Variants in HECTD4 observed in about 807,000 individuals in gnomAD.
The protein encoded by HECTD4 is probable E3 ubiquitin-protein ligase HECTD4.
Under a neutral mutation model 471.5 loss-of-function variants are expected in HECTD4, and 114 were observed. The ratio of observed to expected loss-of-function variants is 0.24; its 90% CI spans 0.21 to 0.28. The LOEUF (loss-of-function observed/expected upper bound fraction) is 0.28. HECTD4 is among the 10% of genes least tolerant of loss of function. The pLI, the probability that HECTD4 is intolerant of heterozygous loss-of-function variation, is 1.00. For missense variants in HECTD4, 3,866 were observed against 5,651.5 expected (o/e 0.68, Z 10.13); for synonymous variants, 2,012 against 2,256.0 (o/e 0.89, Z 3.07).
rs568237456 is a variant in HECTD4 at position 112,291,957 on chromosome 12, A to G, written c.1336-8655T>C. On this transcript the variant is annotated intron_variant, in intron 7 of 75. Transcript: ENST00000682272. ...ACAAGATGCAACCTACACATTATAT[A>G]CATTTGGTTTGTCTCTTTAAGTCTC... 4.3e-4 allele frequency among the ~76,000 whole-genome samples: 65 copies of G among 152,304 alleles called. 2 individuals are homozygous for G. The highest frequency in any genetic ancestry group is 1.5e-3 in the African/African-American group (63 of 41,556).
chr12:112,226,319 A>G lies in HECTD4; in HGVS notation c.6970+324T>C, dbSNP rs115892999. ...GCCAATGACAACAGTCAAAATGTAC[A>G]TGCCAGCCCTAAGGACAGCTCCTAA... On this transcript the variant is annotated intron_variant, in intron 44 of 75. Coordinates refer to ENST00000682272, the MANE Select transcript of HECTD4 (RefSeq NM_001388303.1). 417 of 198,014 alleles carry G rather than the reference A, an allele frequency of 2.1e-3. 5 individuals carry two copies. The highest frequency in any genetic ancestry group is 9.4e-3 in the African/African-American group (407 of 43,466). The allele number at this position is 198,014 out of a possible 1,614,324, so 12.3% of individuals were successfully genotyped here.
chr12:112,164,144 C>A lies in HECTD4; in HGVS notation c.12666G>T (p.Val4222=). The A allele has an allele frequency of 6.2e-7, 1 of 1,612,334 alleles. No individual in the cohort carries two copies. Residue 4222 remains valine (V), a synonymous_variant, in exon 73 of 76, where the codon GTG becomes GTT. Coordinates refer to ENST00000682272, the MANE Select transcript of HECTD4 (RefSeq NM_001388303.1). ...FTYLTMTGEE[V]ELCSRGRHIL... ...TGTGCCGGCCCCGGCTGCACAGCTC[C>A]ACCTCCTCGCCCGTCATGGTCAGGT...
intron 1 of HECTD4, among the ~76,000 whole-genome samples, chr12:112,372,252 G>A (rs1044417806): frequency 6.6e-6 from 1 of 150,466 alleles, no homozygotes; most frequent in Non-Finnish European, 1.5e-5. Flanking sequence ...AGCCAACCAC[G>A]CCCCGCTAAT....
At chr12:112,190,501 T>C (rs575455740) in intron 60 of HECTD4, among the ~76,000 whole-genome samples, 1 of 152,352 alleles carries the variant, frequency 6.6e-6, no homozygotes, top group African/African-American at 2.4e-5. Flanking sequence ...TAATGGCATA[T>C]ACTTCTGTTT....
intron 25 of HECTD4, chr12:112,249,893 T>C (rs958647651): frequency 8.3e-5 from 42 of 504,392 alleles, no homozygotes; most frequent in African/African-American, 7.5e-4. Flanking sequence ...ATTCAATAGG[T>C]GCAAAATGGG....
intron 7 of HECTD4, among the ~76,000 whole-genome samples, chr12:112,301,601 A>C (rs2135675245): frequency 6.6e-6 from 1 of 152,210 alleles, no homozygotes; most frequent in South Asian, 2.1e-4. Context: ...TTTCTCTCAT[A>C]TTTACTGTTC....
intron 1 of HECTD4, among the ~76,000 whole-genome samples, chr12:112,324,384 T>C (rs146320927): frequency 0.015 from 2,245 of 151,940 alleles, 24 homozygotes; most frequent in South Asian, 0.029. Flanking sequence ...CCTCCCAAAG[T>C]GCTAAGAGTA....
chr12:112,223,292 T>A (rs1298006402), intron 44 of HECTD4, among the ~76,000 whole-genome samples: 1 of 152,232 alleles, frequency 6.6e-6, no homozygotes, highest in Non-Finnish European at 1.5e-5. Context: ...TTCTAGCTTC[T>A]GCAAGGGGGT....
chr12:112,185,645 G>A (rs1372927406), intron 60 of HECTD4, among the ~76,000 whole-genome samples, 152 bp from the exon 61 acceptor site: 1 of 152,252 alleles, frequency 6.6e-6, no homozygotes, highest in East Asian at 1.9e-4. Flanking sequence ...ACAGAGGTTG[G>A]GAGGTGGAGG....
chr12:112,270,584 C>T (rs1021985254), intron 11 of HECTD4, 125 bp from the exon 12 acceptor site: 8 of 771,316 alleles, frequency 1.0e-5, no homozygotes, highest in African/African-American at 5.2e-5. Flanking sequence ...TAATCTCTTT[C>T]ACTGCTGCCA....
chr12:112,195,480 C>A (rs761194264), intron 55 of HECTD4, among the ~76,000 whole-genome samples: 1 of 152,160 alleles, frequency 6.6e-6, no homozygotes, highest in Admixed American at 6.5e-5. Context: ...CTTGAAACAT[C>A]ATGTTCTCAG....
chr12:112,207,906 C>A lies in HECTD4; in HGVS notation c.8099G>T (p.Gly2700Val). 1 of 1,613,966 alleles carries A rather than the reference C, an allele frequency of 6.2e-7. No individual in the cohort carries two copies. The highest frequency in any genetic ancestry group is 8.5e-7 in the Non-Finnish European group (1 of 1,179,880). ...RFRNEAERKS[G>V]LDQIKGALQL... ...TAAGGCCCCCTTTATCTGGTCCAGGCCCGATTTCCGCTCTGCTTCATTGCG... is the reference window on the plus strand; with the variant it reads ...TAAGGCCCCCTTTATCTGGTCCAGGACCGATTTCCGCTCTGCTTCATTGCG... The change falls in exon 52 of 76, where the codon GGC becomes GTC. Residue 2700 changes from glycine (G) to valine (V), a missense_variant. Physicochemically the swap from Gly to Val is moderately radical, Grantham distance 109. This residue lies in a region of HECTD4 where 266 missense variants were observed against 441.6 expected (regional missense o/e 0.60). Transcript: ENST00000682272.
At chr12:112,365,346 C>T (rs539888758) in intron 1 of HECTD4, among the ~76,000 whole-genome samples, 2 of 152,124 alleles carry the variant, frequency 1.3e-5, no homozygotes, top group Admixed American at 6.5e-5. Context: ...CAGTGAGCTA[C>T]GATAGTGCCA....
intron 1 of HECTD4, among the ~76,000 whole-genome samples, chr12:112,328,866 G>A (rs996664338): frequency 2.6e-5 from 4 of 152,216 alleles, no homozygotes; most frequent in African/African-American, 9.6e-5. Flanking sequence ...TGCCAAAACT[G>A]GAATGGACTC....
At position 112,184,150 on chromosome 12, in the gene HECTD4, C is replaced by A; in HGVS notation, c.10779+37G>T. 1 of 1,528,344 alleles carries A rather than the reference C, an allele frequency of 6.5e-7. No individual in the cohort carries two copies. The highest frequency in any genetic ancestry group is 1.2e-5 in the South Asian group (1 of 83,548). 94.7% of individuals were successfully genotyped at this position (1,528,344 alleles called of 1,614,324 possible). On this transcript the variant is annotated intron_variant, in intron 61 of 75. Transcript: ENST00000682272. The surrounding 1 kb of genome is among the most constrained non-coding windows in gnomAD (Gnocchi z 9.1). Reference sequence around the variant, plus strand: ...AGAGGCTTGGGGGATTGAAATGGGTCATGATTTAGTGGTTGCAGAGGCTTG... The same window carrying A: ...AGAGGCTTGGGGGATTGAAATGGGTAATGATTTAGTGGTTGCAGAGGCTTG...
chr12:112,248,975 G>T (rs755438085), intron 25 of HECTD4, among the ~76,000 whole-genome samples: 3 of 152,218 alleles, frequency 2.0e-5, no homozygotes, highest in Non-Finnish European at 4.4e-5. Flanking sequence ...AATAGAGTAA[G>T]AGGTATGAAT....
At position 112,208,495 on chromosome 12, in the gene HECTD4, T is replaced by C. The variant is rs1299697352; in HGVS notation, c.8003A>G (p.Gln2668Arg). 6 of 1,586,892 alleles carry C rather than the reference T, an allele frequency of 3.8e-6. No homozygotes were observed. The highest frequency in any genetic ancestry group is 5.1e-6 in the Non-Finnish European group (6 of 1,168,838). Residue 2668 changes from glutamine (Q) to arginine (R), a missense_variant and splice_region_variant, in exon 51 of 76, where the codon CAG becomes CGG. Gln to Arg is a conservative substitution (Grantham distance 43). Transcript: ENST00000682272. ...GATCTAAGCCTGTGGGTCTCTTACC[T>C]GAGGGATGTCATCATCGTCATCATC... ...SDDDDDDDIP[Q>R]EDHYALLVKA...
Position 112,228,123 on chromosome 12 carries a change from C to T in HECTD4, c.6820G>A (p.Ala2274Thr). The T allele has an allele frequency of 6.2e-7, 1 of 1,613,168 alleles. No individual in the cohort carries two copies. Among genetic ancestry groups the T allele is most frequent in the Non-Finnish European group, 8.5e-7 (1 of 1,179,530 alleles). ...ATGDGSAPVM[A>T]VVRLLAEIRT... ...ATTTCAGCAAGGAGCCGAACGACTG[C>T]CATCACAGGAGCTGACCCATCTCCT... Residue 2274 changes from alanine (A) to threonine (T), a missense_variant, in exon 43 of 76, where the codon GCA (alanine) becomes ACA (threonine). By Grantham distance (58) the Ala-to-Thr change is moderately conservative (BLOSUM62 0). This residue lies in a region of HECTD4 where 617 missense variants were observed against 915.1 expected (regional missense o/e 0.67). Coordinates refer to ENST00000682272, the MANE Select transcript of HECTD4 (RefSeq NM_001388303.1). This position sits in a 1 kb window ranked among gnomAD's most constrained non-coding sequence, Gnocchi z 4.9.
chr12:112,186,171 C>G (rs2031854613), intron 60 of HECTD4, among the ~76,000 whole-genome samples: 2 of 151,792 alleles, frequency 1.3e-5, no homozygotes, highest in Non-Finnish European at 2.9e-5. Context: ...TTTGCAGAGA[C>G]AGTTTTCATG....
Sources: allele counts gnomAD v4.1 joint callset (sites outside exome capture counted in the v4.1 genomes callset), GRCh38; gene constraint gnomAD v4.1.1; regional missense constraint gnomAD v4.1.1; non-coding constraint Gnocchi (gnomAD v3.1); transcripts MANE v1.5; gene names NCBI Gene and HGNC (gene_info 2026-07-23, HGNC 2026-07-21).